The following LSMEM1 variants were observed in gnomAD, a reference collection of about 807,000 sequenced individuals.
The protein encoded by LSMEM1 is leucine-rich single-pass membrane protein 1.
LSMEM1 carries 10 observed loss-of-function variants against 11.3 expected under a neutral mutation model. The observed-to-expected ratio is 0.89, with a 90% CI of 0.55 to 1.50. LSMEM1 has a LOEUF of 1.50. Ranked by LOEUF, LSMEM1 falls within the 40% of genes most tolerant of loss-of-function variation. The probability of loss-of-function intolerance (pLI) is 0.00; values close to 1 mark genes in which losing one functional copy is unlikely to be tolerated. For missense variants in LSMEM1, 151 were observed against 152.9 expected (o/e 0.99, Z 0.06); for synonymous variants, 65 against 59.3 (o/e 1.10, Z -0.44).
chr7:112,485,019 G>A (rs566776678), intron 2 of LSMEM1, 76 bp downstream of exon 2: 2 of 1,457,916 alleles, frequency 1.4e-6, no homozygotes, highest in Admixed American at 2.1e-5. Context: ...CTGACTGGAT[G>A]TGTGGGTGTG....
chr7:112,490,006 G>C lies in LSMEM1; in HGVS notation c.*57G>C. 1 of 1,565,370 alleles carries C rather than the reference G, an allele frequency of 6.4e-7. No homozygotes were observed. Among genetic ancestry groups the C allele is most frequent in the Non-Finnish European group, 8.6e-7 (1 of 1,156,964 alleles). On this transcript the variant is annotated 3_prime_UTR_variant, in exon 4 of 4. Coordinates refer to ENST00000312849, the MANE Select transcript of LSMEM1 (RefSeq NM_182597.3). Reference sequence around the variant, plus strand: ...CCTTGAGCTTTTTACTTTCCTGGGAGTGTACAGGGTTAGGAACTGAGAAAG... The same window carrying C: ...CCTTGAGCTTTTTACTTTCCTGGGACTGTACAGGGTTAGGAACTGAGAAAG...
At chr7:112,480,571 C>T (rs1584510948), upstream of LSMEM1, among the ~76,000 whole-genome samples, 2 of 152,182 alleles carry the variant, frequency 1.3e-5, no homozygotes, top group African/African-American at 4.8e-5. Context: ...AGGGCAGAAG[C>T]TCCTTGGCAT....
intron 3 of LSMEM1, among the ~76,000 whole-genome samples, chr7:112,487,699 C>T (rs890910009): frequency 5.3e-5 from 8 of 152,256 alleles, no homozygotes; most frequent in South Asian, 2.1e-4. Flanking sequence ...AAGCCTTCAG[C>T]GCCACCCTCC....
chr7:112,482,585 C>A (rs3128383), intron 1 of LSMEM1, among the ~76,000 whole-genome samples: 113,008 of 152,156 alleles, frequency 0.74, 43,374 homozygotes, highest in African/African-American at 0.86. Context: ...TTCCTGGTCA[C>A]ATATTACTGT....
At position 112,484,900 on chromosome 7, in the gene LSMEM1, A is replaced by G; in HGVS notation, c.84A>G (p.Leu28=). 4 of 1,613,808 alleles carry G rather than the reference A, an allele frequency of 2.5e-6. No individual in the cohort carries two copies. The highest frequency in any genetic ancestry group is 3.4e-6 in the Non-Finnish European group (4 of 1,179,780). The change falls in exon 2 of 4, where the codon TTA becomes TTG. Residue 28 remains leucine, a synonymous_variant. Coordinates refer to ENST00000312849, the MANE Select transcript of LSMEM1 (RefSeq NM_182597.3). ...ATGTGGTGGATTCCATAAATGACTT[A>G]AACAAACTAAACCTCTGTCCAGCCG... ...KLYVVDSIND[L]NKLNLCPAGS...
At chr7:112,487,155 G>A in intron 3 of LSMEM1, 104 bp downstream of exon 3, 1 of 1,213,304 alleles carries the variant, frequency 8.2e-7, no homozygotes, top group Non-Finnish European at 1.2e-6. Context: ...ATGCTTCCTG[G>A]TCATCAATGC....
chr7:112,486,306 A>G (rs1350969780), intron 2 of LSMEM1: 2 of 432,228 alleles, frequency 4.6e-6, no homozygotes, highest in East Asian at 1.4e-4. Flanking sequence ...TTTAACTTCT[A>G]TATTCCCTCT....
At chr7:112,486,841 A>T in intron 2 of LSMEM1, 82 bp from the exon 3 acceptor site, 1 of 1,574,970 alleles carries the variant, frequency 6.3e-7, no homozygotes, top group African/African-American at 1.4e-5. Context: ...CTCACGGTCT[A>T]ACACTGGGGT....
intron 3 of LSMEM1, among the ~76,000 whole-genome samples, chr7:112,488,444 C>CT: frequency 6.6e-6 from 1 of 152,082 alleles, no homozygotes; most frequent in African/African-American, 2.4e-5. Context: ...CTGCCAAATT[C>CT]TTTTTTTCTG....
At chr7:112,489,720 G>A (rs757913268) in intron 3 of LSMEM1, 90 bp from the exon 4 acceptor site, 3 of 1,428,646 alleles carry the variant, frequency 2.1e-6, no homozygotes, top group Non-Finnish European at 2.9e-6. Flanking sequence ...GTGTCTTTCA[G>A]CATCAGCTGA....
Position 112,490,062 on chromosome 7 carries a change from C to T in LSMEM1, c.*113C>T. The T allele has an allele frequency of 7.9e-7, 1 of 1,264,984 alleles. No homozygotes were observed. Among genetic ancestry groups the T allele is most frequent in the Non-Finnish European group, 1.1e-6 (1 of 927,472 alleles). The allele number at this position is 1,264,984 out of a possible 1,614,324, so 78.4% of individuals were successfully genotyped here. On this transcript the variant is annotated 3_prime_UTR_variant, in exon 4 of 4. Transcript: ENST00000312849. ...TTCCTCAGGCAACAGATGATCTGGT[C>T]AGGCAACCCACCCCTGGGGCCCACT...
intron 3 of LSMEM1, among the ~76,000 whole-genome samples, chr7:112,487,414 A>G (rs1796154581): frequency 6.6e-6 from 1 of 152,204 alleles, no homozygotes. Flanking sequence ...GATCTATAAC[A>G]TCGAAACATT....
intron 2 of LSMEM1, 90 bp downstream of exon 2, chr7:112,485,033 G>C: frequency 7.2e-7 from 1 of 1,385,990 alleles, no homozygotes; most frequent in East Asian, 2.6e-5. Flanking sequence ...GGGTGTGGTG[G>C]AGGGGGAGGG....
At chr7:112,489,528 TC>T (rs1796198291) in intron 3 of LSMEM1, among the ~76,000 whole-genome samples, 1 of 152,234 alleles carries the variant, frequency 6.6e-6, no homozygotes, top group Non-Finnish European at 1.5e-5. Flanking sequence ...GCTGACAGCT[TC>T]CTTTGGTTGC....
upstream of LSMEM1, among the ~76,000 whole-genome samples, chr7:112,480,618 TC>T (rs1405991290): frequency 4.6e-5 from 7 of 152,180 alleles, no homozygotes; most frequent in Admixed American, 2.6e-4. Context: ...AGGCTGTTAT[TC>T]CTGAGAAAGG....
At chr7:112,486,783 A>G in intron 2 of LSMEM1, 140 bp from the exon 3 acceptor site, 1 of 1,211,608 alleles carries the variant, frequency 8.3e-7, no homozygotes, top group East Asian at 2.5e-5. Context: ...CTCAAAAAAA[A>G]AGAGTCACTT....
Position 112,481,103 on chromosome 7 carries a change from A to G in LSMEM1, c.-249A>G. The G allele has an allele frequency of 3.0e-6, 1 of 328,090 alleles. No homozygotes were observed. Among genetic ancestry groups the G allele is most frequent in the South Asian group, 2.4e-5 (1 of 40,896 alleles). 20.3% of individuals were successfully genotyped at this position (328,090 alleles called of 1,614,324 possible). ...ATATTTACTAAAAACCTTAGACATT[A>G]TGAAAAAAGTCAGGATTTGGAATCT... On this transcript the variant is annotated 5_prime_UTR_variant, in exon 1 of 4. The change abolishes an upstream ATG in the 5' untranslated region. Transcript: ENST00000312849.
intron 3 of LSMEM1, among the ~76,000 whole-genome samples, chr7:112,488,886 C>T (rs865896870): frequency 4.6e-5 from 7 of 152,168 alleles, no homozygotes; most frequent in Admixed American, 1.3e-4. Context: ...CGTGAGCCAC[C>T]GTGCCCAGCC....
chr7:112,488,322 T>C (rs1435213957), intron 3 of LSMEM1, among the ~76,000 whole-genome samples: 2 of 152,156 alleles, frequency 1.3e-5, no homozygotes, highest in Admixed American at 6.5e-5. Context: ...GAACCGTTAC[T>C]CCAACATAAA....
Sources: allele counts gnomAD v4.1 joint callset (sites outside exome capture counted in the v4.1 genomes callset), GRCh38; gene constraint gnomAD v4.1.1; transcripts MANE v1.5; gene names NCBI Gene and HGNC (gene_info 2026-07-23, HGNC 2026-07-21).